COL13A1: variants seen among roughly 807,000 people sequenced by gnomAD.
The protein encoded by COL13A1 is collagen alpha-1(XIII) chain.
COL13A1 carries 89 observed loss-of-function variants against 130.9 expected under a neutral mutation model. That is an observed-to-expected ratio of 0.68 (90% CI 0.57 to 0.81). The LOEUF is 0.81. Among genes scored for constraint, COL13A1 ranks in the 30% least tolerant of loss-of-function variants. COL13A1 has a pLI of 0.00. For missense variants in COL13A1, 879 were observed against 934.6 expected (o/e 0.94, Z 0.78); for synonymous variants, 402 against 341.6 (o/e 1.18, Z -1.95).
intron 2 of COL13A1, among the ~76,000 whole-genome samples, chr10:69,848,104 G>T (rs1357315725): frequency 1.3e-5 from 2 of 152,216 alleles, no homozygotes; most frequent in African/African-American, 4.8e-5. Context: ...AGTCACGGAG[G>T]TGAAGAAGCC....
In COL13A1 at chr10:69,894,371, G is replaced by T. The variant is rs149912441; in HGVS notation, c.604-181G>T. On this transcript the variant is annotated intron_variant, in intron 10 of 40. Coordinates refer to ENST00000645393, the MANE Select transcript of COL13A1 (RefSeq NM_001368882.1). ...ATCACAGCCCTAGTCCTGCCCACTG[G>T]GGGGTGAAGCAGCTGAGACTCTGTG... Among the ~76,000 whole-genome samples the T allele has an allele frequency of 2.7e-3, 404 of 152,334 alleles. 4 individuals carry two copies. Among genetic ancestry groups the T allele is most frequent in the Non-Finnish European group, 4.5e-3 (307 of 68,024 alleles).
intron 2 of COL13A1, among the ~76,000 whole-genome samples, chr10:69,853,814 G>A (rs757366648): frequency 7.9e-5 from 12 of 152,116 alleles, no homozygotes; most frequent in Non-Finnish European, 1.5e-4. Context: ...ACCATATTCC[G>A]TGCACACCGA....
intron 10 of COL13A1, among the ~76,000 whole-genome samples, chr10:69,893,109 G>A (rs1165054899): frequency 1.3e-5 from 2 of 152,254 alleles, no homozygotes; most frequent in Non-Finnish European, 2.9e-5. Flanking sequence ...CCAGAACTCT[G>A]GGAGGCCAGC....
chr10:69,826,490 C>T (rs536171607), intron 2 of COL13A1, among the ~76,000 whole-genome samples: 1 of 152,276 alleles, frequency 6.6e-6, no homozygotes, highest in African/African-American at 2.4e-5. Flanking sequence ...CGGATGAAAG[C>T]GGAGAAGTCG....
At chr10:69,808,040 C>T (rs1842032401) in intron 1 of COL13A1, among the ~76,000 whole-genome samples, 1 of 152,158 alleles carries the variant, frequency 6.6e-6, no homozygotes, top group South Asian at 2.1e-4. Context: ...TTTCATAACT[C>T]TAGATTTTGT....
At position 69,902,874 on chromosome 10, in the gene COL13A1, T is replaced by C. The variant is rs2062350978; in HGVS notation, c.858+19T>C. On this transcript the variant is annotated intron_variant, in intron 15 of 40. Transcript: ENST00000645393. ...GCCACCTGTAAGTATTCCCTTCCTC[T>C]CTCCTTCAAGACTTATCCCAAGAAC... 2.7e-6 allele frequency: 4 copies of C among 1,493,966 alleles called. No individual in the cohort carries two copies. The highest frequency in any genetic ancestry group is 2.4e-5 in the Admixed American group (1 of 42,530). 92.5% of individuals were successfully genotyped at this position (1,493,966 alleles called of 1,614,324 possible). A position where few individuals can be genotyped will look rare whatever the true frequency, so the allele number is the denominator to read the frequency against.
At chr10:69,918,914 G>A in intron 19 of COL13A1, 148 bp from the exon 20 acceptor site, 2 of 886,262 alleles carry the variant, frequency 2.3e-6, no homozygotes, top group Non-Finnish European at 1.8e-6. Context: ...CCTGGGACCT[G>A]ATGCCTGAAC....
chr10:69,827,355 AT>A (rs1219029388), intron 2 of COL13A1, among the ~76,000 whole-genome samples: 4 of 152,096 alleles, frequency 2.6e-5, no homozygotes, highest in African/African-American at 9.7e-5. Flanking sequence ...TGCCTGATTG[AT>A]TGGGGGGCTG....
intron 25 of COL13A1, 138 bp downstream of exon 25, chr10:69,925,145 C>A: frequency 1.2e-6 from 1 of 848,246 alleles, no homozygotes; most frequent in Non-Finnish European, 1.7e-6. Context: ...AGGTCTGTGC[C>A]TTTTGCCAAA....
rs561022104 is a variant in COL13A1 at position 69,802,541 on chromosome 10, C to T, written c.118C>T (p.Pro40Ser). The T allele has an allele frequency of 5.5e-5, 88 of 1,596,750 alleles. No homozygotes were observed. In the African/African-American group the frequency reaches 1.1e-3, roughly 21 times the overall value. The change falls in exon 1 of 41, where the codon CCG becomes TCG. Residue 40 changes from proline to serine, a missense_variant. Physicochemically the swap from Pro to Ser is moderately conservative, Grantham distance 74. Around this residue, in one of 3 missense-constraint regions of COL13A1, gnomAD observed 715 missense variants for 721.0 expected, o/e 0.99. Coordinates refer to ENST00000645393, the MANE Select transcript of COL13A1 (RefSeq NM_001368882.1). ...GCGGGCGGAGCGCGGCGCACGGCTGCCGAGTCCAGGGTCGTGCGGGCTGCT... is the reference window on the plus strand; with the variant it reads ...GCGGGCGGAGCGCGGCGCACGGCTGTCGAGTCCAGGGTCGTGCGGGCTGCT... ...AARAERGARL[P>S]SPGSCGLLTL...
At chr10:69,945,208 C>A (rs1029205131) in intron 36 of COL13A1, among the ~76,000 whole-genome samples, 1 of 152,260 alleles carries the variant, frequency 6.6e-6, no homozygotes, top group Non-Finnish European at 1.5e-5. Context: ...ACCTTGCTGG[C>A]TCTGTCTCAG....
At chr10:69,930,616 C>T in intron 30 of COL13A1, 64 bp downstream of exon 30, 4 of 1,540,566 alleles carry the variant, frequency 2.6e-6, no homozygotes, top group Non-Finnish European at 3.5e-6. Context: ...GCCAGCTTTG[C>T]AGGGCTTTGC....
At chr10:69,821,535 C>A (rs1846077195) in intron 1 of COL13A1, among the ~76,000 whole-genome samples, 1 of 152,218 alleles carries the variant, frequency 6.6e-6, no homozygotes, top group Non-Finnish European at 1.5e-5. Flanking sequence ...CGCAGTAATC[C>A]AATGAAGTGA....
rs532890241 is a variant in COL13A1 at position 69,875,114 on chromosome 10, T to A, written c.400-14T>A. 1.2e-5 allele frequency: 20 copies of A among 1,613,990 alleles called. No individual in the cohort carries two copies. The South Asian group carries it at 2.0e-4, about 16-fold the overall frequency. On this transcript the variant is annotated splice_polypyrimidine_tract_variant and intron_variant, in intron 4 of 40. Transcript: ENST00000645393. ...CCAACCACATCTGACTGTTTCTGCC[T>A]CCTTCATCATCAGGGGGACAAAGGT...
At chr10:69,947,492 C>T (rs767439324) in intron 38 of COL13A1, 150 bp downstream of exon 38, 1 of 720,990 alleles carries the variant, frequency 1.4e-6, no homozygotes. Flanking sequence ...GGGCCTTAAC[C>T]TGTGGCATGT....
At chr10:69,815,323 G>C (rs983402937) in intron 1 of COL13A1, among the ~76,000 whole-genome samples, 2 of 152,228 alleles carry the variant, frequency 1.3e-5, no homozygotes, top group Non-Finnish European at 2.9e-5. Context: ...TCTCTGGGGG[G>C]AGTGAGTAGC....
chr10:69,843,195 G>A (rs183681699), intron 2 of COL13A1, among the ~76,000 whole-genome samples: 117 of 151,952 alleles, frequency 7.7e-4, no homozygotes, highest in African/African-American at 2.6e-3. Context: ...CAGCCTCCAC[G>A]TGGAGGCCAT....
chr10:69,923,779 C>T, intron 23 of COL13A1, 23 bp from the exon 24 acceptor site: 4 of 1,605,192 alleles, frequency 2.5e-6, no homozygotes, highest in Non-Finnish European at 3.4e-6. Context: ...ATGCCCTCAT[C>T]CCAACTCTCT....
intron 7 of COL13A1, among the ~76,000 whole-genome samples, chr10:69,882,519 G>A (rs2060240728): frequency 6.6e-6 from 1 of 152,206 alleles, no homozygotes; most frequent in South Asian, 2.1e-4. Flanking sequence ...TCACATAATA[G>A]GTCTCCTTCA....
Sources: gnomAD v4.1 joint callset for allele counts (sites outside exome capture counted in the v4.1 genomes callset) on GRCh38, gnomAD v4.1.1 for gene constraint, gnomAD v4.1.1 regional missense constraint, MANE v1.5 for transcripts, NCBI Gene and HGNC (gene_info 2026-07-23, HGNC 2026-07-21) for gene names.